Variants in CD2AP observed in about 807,000 individuals in gnomAD.
CD2AP encodes the protein CD2 associated protein.
Under a neutral mutation model 85.1 loss-of-function variants are expected in CD2AP, and 46 were observed. That is an observed-to-expected ratio of 0.54 (90% CI 0.43 to 0.69). The LOEUF (loss-of-function observed/expected upper bound fraction) is 0.69. CD2AP is among the 30% of genes least tolerant of loss of function. CD2AP has a pLI of 0.00. For missense variants in CD2AP, 769 were observed against 729.5 expected (o/e 1.05, Z -0.62); for synonymous variants, 255 against 252.9 (o/e 1.01, Z -0.08).
At chr6:47,569,834 C>A (rs1226027404) in intron 5 of CD2AP, among the ~76,000 whole-genome samples, 1 of 152,108 alleles carries the variant, frequency 6.6e-6, no homozygotes, top group Non-Finnish European at 1.5e-5. Context: ...GGTCTGTAAT[C>A]ATATATTAGT....
intron 1 of CD2AP, among the ~76,000 whole-genome samples, chr6:47,492,347 C>CTTTTTTTT (rs70999626): frequency 4.2e-5 from 4 of 95,502 alleles, no homozygotes; most frequent in Non-Finnish European, 7.7e-5. Flanking sequence ...CACCTGTAAT[C>CTTTTTTTT]TTTTTTTTTT....
rs1220485388 is a variant in CD2AP, at chr6:47,625,402, TA to T, written c.*1179del. 6.6e-6 allele frequency: 1 copy of T among 151,960 alleles called. No homozygotes were observed. Among genetic ancestry groups the T allele is most frequent in the Non-Finnish European group, 1.5e-5 (1 of 67,794 alleles). 9.4% of individuals were successfully genotyped at this position (151,960 alleles called of 1,614,324 possible). A position where few individuals can be genotyped will look rare whatever the true frequency, so the allele number is the denominator to read the frequency against. ...ATAAAATATAACATTACAGCTTATT[TA>T]AAACCAAATATAGTTGAACATATTT... On this transcript the variant is annotated 3_prime_UTR_variant, in exon 18 of 18. Transcript: ENST00000359314.
chr6:47,610,986 TG>T (rs200463256), intron 16 of CD2AP, among the ~76,000 whole-genome samples: 5,643 of 125,928 alleles, frequency 0.045, 161 homozygotes, highest in Middle Eastern at 0.13. Context: ...TTTTTTTTTT[TG>T]AATATAAAAC....
At chr6:47,590,898 T>C (rs1017054692) in intron 11 of CD2AP, among the ~76,000 whole-genome samples, 1 of 152,064 alleles carries the variant, frequency 6.6e-6, no homozygotes, top group African/African-American at 2.4e-5. Flanking sequence ...GGCAAGGAAT[T>C]GAAGAAGACA....
At chr6:47,608,385 T>C (rs1485455338) in intron 15 of CD2AP, among the ~76,000 whole-genome samples, 5 of 152,188 alleles carry the variant, frequency 3.3e-5, no homozygotes, top group Admixed American at 2.0e-4. Flanking sequence ...ATTCAGTATA[T>C]ACTGGAATTA....
intron 3 of CD2AP, among the ~76,000 whole-genome samples, chr6:47,541,612 G>T (rs569818825): frequency 1.3e-5 from 2 of 152,264 alleles, no homozygotes; most frequent in African/African-American, 4.8e-5. Flanking sequence ...TGCATGTAGT[G>T]TGCTTCTTTT....
At chr6:47,541,193 A>C (rs1345810257) in intron 3 of CD2AP, among the ~76,000 whole-genome samples, 1 of 152,046 alleles carries the variant, frequency 6.6e-6, no homozygotes, top group Non-Finnish European at 1.5e-5. Flanking sequence ...GCACGATCTC[A>C]GCTCACTGCA....
intron 5 of CD2AP, among the ~76,000 whole-genome samples, chr6:47,555,528 C>T (rs1403299333): frequency 2.6e-5 from 4 of 151,952 alleles, no homozygotes; most frequent in Non-Finnish European, 5.9e-5. Flanking sequence ...AGATCATAAC[C>T]TTAAGGTTGC....
At chr6:47,480,346 A>G (rs1350832947) in intron 1 of CD2AP, among the ~76,000 whole-genome samples, 1 of 152,182 alleles carries the variant, frequency 6.6e-6, no homozygotes, top group Non-Finnish European at 1.5e-5. Context: ...TTATGATTTT[A>G]GATGCAGCCT....
intron 16 of CD2AP, among the ~76,000 whole-genome samples, chr6:47,611,289 A>T (rs902357849): frequency 1.3e-5 from 2 of 151,616 alleles, no homozygotes; most frequent in African/African-American, 2.4e-5. Context: ...CCAAACCAGA[A>T]AATATATTAT....
intron 2 of CD2AP, among the ~76,000 whole-genome samples, chr6:47,504,189 TTG>T (rs547652936): frequency 2.5e-3 from 388 of 152,336 alleles, no homozygotes; most frequent in African/African-American, 8.8e-3. Context: ...TCAGTTATAA[TTG>T]TCTTGTTTTC....
chr6:47,485,894 G>C (rs1477462490), intron 1 of CD2AP, among the ~76,000 whole-genome samples: 2 of 152,168 alleles, frequency 1.3e-5, no homozygotes, highest in Non-Finnish European at 2.9e-5. Context: ...ATACCCTATA[G>C]CTTAGGCATG....
rs1223284748 is a variant in CD2AP at position 47,489,970 on chromosome 6, T to TTTG, written c.4+11724_4+11725insGTT. ...GTAACTATTTTCTCTAAAGAGACTT[T>TTTG]TTTTTTTTTTTTTTTTTTTTAAAGG... is the stretch of plus-strand genomic sequence containing the variant. On this transcript the variant is annotated intron_variant, in intron 1 of 17. Coordinates refer to ENST00000359314, the MANE Select transcript of CD2AP (RefSeq NM_012120.3). Among the ~76,000 whole-genome samples the TTTG allele has an allele frequency of 4.9e-3, 286 of 58,198 alleles. 3 individuals are homozygous for TTTG. Among genetic ancestry groups the TTTG allele is most frequent in the Middle Eastern group, 0.022 (1 of 46 alleles). The allele number at this position is 58,198 out of a possible 152,430, so 38.2% of individuals were successfully genotyped here.
rs114306625 is a variant in CD2AP, at chr6:47,598,225, C to T, written c.1275-1076C>T. Among the ~76,000 whole-genome samples the T allele has an allele frequency of 7.0e-3, 1,053 of 150,772 alleles. 32 individuals are homozygous for T. The highest frequency in any genetic ancestry group is 0.024 in the African/African-American group (1,005 of 41,346). ...TACCACCTCACTTCTGCAAGAATGG[C>T]CATAAATCAAAAAATCAAAAAATAA... is the stretch of plus-strand genomic sequence containing the variant. On this transcript the variant is annotated intron_variant, in intron 12 of 17. Coordinates refer to ENST00000359314, the MANE Select transcript of CD2AP (RefSeq NM_012120.3).
chr6:47,516,546 T>C (rs1766458130), intron 2 of CD2AP, among the ~76,000 whole-genome samples: 1 of 152,232 alleles, frequency 6.6e-6, no homozygotes, highest in Admixed American at 6.5e-5. Flanking sequence ...CTCATGAAGG[T>C]CTTTTCATGA....
At chr6:47,543,148 C>CAAAAAAA (rs11338409) in intron 3 of CD2AP, among the ~76,000 whole-genome samples, 96 of 60,246 alleles carry the variant, frequency 1.6e-3, no homozygotes, top group African/African-American at 2.0e-3. Flanking sequence ...AAGACTGTCT[C>CAAAAAAA]AAAAAAAAAA....
chr6:47,573,377 C>T (rs994218368), intron 5 of CD2AP, among the ~76,000 whole-genome samples: 1 of 151,096 alleles, frequency 6.6e-6, no homozygotes, highest in Non-Finnish European at 1.5e-5. Flanking sequence ...CTCATGCTAA[C>T]TTTGATTGGA....
intron 11 of CD2AP, among the ~76,000 whole-genome samples, chr6:47,593,155 G>T (rs767594523): frequency 6.6e-6 from 1 of 152,066 alleles, no homozygotes; most frequent in African/African-American, 2.4e-5. Context: ...CACACATTTG[G>T]TGTCTCAGAG....
rs370963225 is a variant in CD2AP at position 47,538,386 on chromosome 6, C to T, written c.319+4631C>T. On this transcript the variant is annotated intron_variant, in intron 3 of 17. Coordinates refer to ENST00000359314, the MANE Select transcript of CD2AP (RefSeq NM_012120.3). ...CGTCCCAAGTAGCTGGGATTACAGGCGTGCACCACCATGCCTGGCTACCTT... is the reference window on the plus strand; with the variant it reads ...CGTCCCAAGTAGCTGGGATTACAGGTGTGCACCACCATGCCTGGCTACCTT... Among the ~76,000 whole-genome samples, 22 of 152,148 alleles carry T rather than the reference C, an allele frequency of 1.4e-4. No homozygotes were observed. The East Asian group carries it at 3.1e-3, about 21-fold the overall frequency.
Sources: gnomAD v4.1 joint callset for allele counts (sites outside exome capture counted in the v4.1 genomes callset) on GRCh38, gnomAD v4.1.1 for gene constraint, MANE v1.5 for transcripts, NCBI Gene and HGNC (gene_info 2026-07-23, HGNC 2026-07-21) for gene names.